Variants in PCDHGB1 observed in about 807,000 individuals in gnomAD.
PCDHGB1 encodes the protein protocadherin gamma-B1.
In PCDHGB1, 34 loss-of-function variants were observed where a neutral mutation model predicts 56.6. The ratio of observed to expected loss-of-function variants is 0.60; its 90% CI spans 0.46 to 0.80. The LOEUF is 0.80. PCDHGB1 is among the 30% of genes least tolerant of loss of function. The pLI, the probability that PCDHGB1 is intolerant of heterozygous loss-of-function variation, is 0.00. For synonymous variants in PCDHGB1, 561 were observed against 505.9 expected, an observed-to-expected ratio of 1.11 and a Z score of -1.46; for missense variants, 1,278 against 1,204.6, an observed-to-expected ratio of 1.06 and a Z score of -0.90.
In PCDHGB1 at chr5:141,432,967, G is replaced by T; in HGVS notation, c.2410-61840G>T. ...CAGGAGGCGGCTTGACAGGAGCGCC[G>T]GCGTCGCACTTTGTGGGCGTGGACG... On this transcript the variant is annotated intron_variant, in intron 1 of 3. Coordinates refer to ENST00000523390, the MANE Select transcript of PCDHGB1 (RefSeq NM_018922.3). The surrounding 1 kb of genome is among the most constrained non-coding windows in gnomAD (Gnocchi z 6.0). 1 of 1,614,190 alleles carries T rather than the reference G, an allele frequency of 6.2e-7. No homozygotes were observed. The highest frequency in any genetic ancestry group is 2.2e-5 in the East Asian group (1 of 44,854).
intron 1 of PCDHGB1, chr5:141,441,855 G>T (rs1210416963): frequency 2.8e-6 from 1 of 351,872 alleles, no homozygotes; most frequent in Admixed American, 4.0e-5. Context: ...ATATGGTGCT[G>T]CACGCCGCGG....
chr5:141,422,344 C>G, intron 1 of PCDHGB1: 1 of 1,550,890 alleles, frequency 6.4e-7, no homozygotes, highest in Non-Finnish European at 8.7e-7. Flanking sequence ...TCTAAATGTG[C>G]AAGATCAAGA....
chr5:141,376,476 T>C (rs1772728633), intron 1 of PCDHGB1: 19 of 1,614,192 alleles, frequency 1.2e-5, no homozygotes, highest in Middle Eastern at 1.6e-4. Context: ...CAGGATTTAC[T>C]TGAAACGAAA....
chr5:141,462,657 T>G (rs949098251), intron 1 of PCDHGB1, among the ~76,000 whole-genome samples: 1 of 152,164 alleles, frequency 6.6e-6, no homozygotes, highest in East Asian at 1.9e-4. Flanking sequence ...TCCTCAATTA[T>G]CTTCATATTT....
intron 1 of PCDHGB1, chr5:141,364,663 G>A: frequency 6.2e-7 from 1 of 1,614,042 alleles, no homozygotes; most frequent in Non-Finnish European, 8.5e-7. Flanking sequence ...TCTTGGTTGA[G>A]AACAAAATGA....
At chr5:141,404,129 A>C in intron 1 of PCDHGB1, 2 of 1,613,162 alleles carry the variant, frequency 1.2e-6, no homozygotes, top group Non-Finnish European at 1.7e-6. Context: ...TCTATCTTTT[A>C]CATTAGAAAA....
rs559164097 is a variant in PCDHGB1, at chr5:141,350,779, A to G, written c.519A>G (p.Gln173=). Residue 173 remains glutamine (Q), a synonymous_variant, in exon 1 of 4, where the codon CAA becomes CAG. Transcript: ENST00000523390. ...AGTTATACACCATCAACCCCAATCA[A>G]TACTTCTCTCTGTCAACGAAGGAAA... ...SLKLYTINPN[Q]YFSLSTKESP... 12 of 1,613,968 alleles carry G rather than the reference A, an allele frequency of 7.4e-6. No individual in the cohort carries two copies. The Admixed American group carries it at 1.2e-4, about 16-fold the overall frequency.
chr5:141,432,803 G>T lies in PCDHGB1; in HGVS notation c.2410-62004G>T, dbSNP rs751950423. 3 of 1,614,160 alleles carry T rather than the reference G, an allele frequency of 1.9e-6. No homozygotes were observed. The highest frequency in any genetic ancestry group is 2.2e-5 in the East Asian group (1 of 44,874). ...GGACCTCGGCAGCCTCGAGTCTCCA[G>T]CTAACTCTGAAACCTCAGACCTCAC... On this transcript the variant is annotated intron_variant, in intron 1 of 3. Coordinates refer to ENST00000523390, the MANE Select transcript of PCDHGB1 (RefSeq NM_018922.3). This position sits in a 1 kb window ranked among gnomAD's most constrained non-coding sequence, Gnocchi z 6.0.
intron 1 of PCDHGB1, chr5:141,392,647 C>A: frequency 1.5e-6 from 1 of 685,816 alleles, no homozygotes; most frequent in Non-Finnish European, 2.3e-6. Flanking sequence ...CTCACGAAGA[C>A]CCGCAGATGC....
In PCDHGB1 at chr5:141,432,075, C is replaced by G. The variant is rs2097446801; in HGVS notation, c.2410-62732C>G. 2 of 1,614,086 alleles carry G rather than the reference C, an allele frequency of 1.2e-6. No individual in the cohort carries two copies. Among genetic ancestry groups the G allele is most frequent in the Non-Finnish European group, 1.7e-6 (2 of 1,180,054 alleles). ...CCCCTATCCACGGAAACTCATATCT[C>G]GCTGAACGTGGCAGACACCAACGAC... On this transcript the variant is annotated intron_variant, in intron 1 of 3. Transcript: ENST00000523390. This position sits in a 1 kb window ranked among gnomAD's most constrained non-coding sequence, Gnocchi z 6.0.
At chr5:141,475,553 TTGTC>T (rs2099365287) in intron 1 of PCDHGB1, among the ~76,000 whole-genome samples, 2 of 152,260 alleles carry the variant, frequency 1.3e-5, no homozygotes, top group Non-Finnish European at 2.9e-5. Context: ...GTCCGGCTAA[TTGTC>T]TGTCTTCCAA....
chr5:141,362,481 T>C (rs1372374751), intron 1 of PCDHGB1: 16 of 1,613,962 alleles, frequency 9.9e-6, no homozygotes, highest in Non-Finnish European at 1.4e-5. Context: ...ATCTCGTCTG[T>C]GACAATGCCT....
At chr5:141,429,559 A>G (rs2097222911) in intron 1 of PCDHGB1, among the ~76,000 whole-genome samples, 2 of 152,146 alleles carry the variant, frequency 1.3e-5, no homozygotes, top group Admixed American at 6.5e-5. Context: ...TGATTTGATA[A>G]TATTCAGTTA....
intron 1 of PCDHGB1, among the ~76,000 whole-genome samples, chr5:141,470,360 T>G (rs1554150725): frequency 6.6e-6 from 1 of 152,142 alleles, no homozygotes; most frequent in Non-Finnish European, 1.5e-5. Context: ...ATAGACACAT[T>G]AGGTTGAATG....
chr5:141,486,416 C>T lies in PCDHGB1; in HGVS notation c.2410-8391C>T, dbSNP rs2154580601. The T allele has an allele frequency of 6.2e-7, 1 of 1,614,152 alleles. No individual in the cohort carries two copies. The highest frequency in any genetic ancestry group is 8.5e-7 in the Non-Finnish European group (1 of 1,180,016). On this transcript the variant is annotated intron_variant, in intron 1 of 3. Coordinates refer to ENST00000523390, the MANE Select transcript of PCDHGB1 (RefSeq NM_018922.3). This position sits in a 1 kb window ranked among gnomAD's most constrained non-coding sequence, Gnocchi z 5.0. ...CCTGGTGACTGCTGGACCCTTGGAT[C>T]GAGAGGCCAAATCTAGCTATGACAT...
intron 1 of PCDHGB1, chr5:141,361,155 C>G (rs760085788): frequency 1.2e-6 from 2 of 1,613,954 alleles, no homozygotes; most frequent in East Asian, 4.5e-5. Flanking sequence ...TTCTTGATGA[C>G]AACGATTGTG....
chr5:141,360,821 G>T, intron 1 of PCDHGB1: 1 of 1,613,924 alleles, frequency 6.2e-7, no homozygotes, highest in Non-Finnish European at 8.5e-7. Flanking sequence ...ACCCAAATCC[G>T]AATCAAAGTC....
At chr5:141,391,795 A>G (rs1220181718) in intron 1 of PCDHGB1, 2 of 152,206 alleles carry the variant, frequency 1.3e-5, no homozygotes, top group African/African-American at 4.8e-5. Context: ...GCAGTTTTTT[A>G]GATCAAAGTG....
intron 1 of PCDHGB1, chr5:141,409,662 TCTC>T (rs1473145245): frequency 2.5e-6 from 4 of 1,613,562 alleles, no homozygotes; most frequent in Admixed American, 1.7e-5. Context: ...AATGGCCACA[TCTC>T]CTACTCTATA....
Sources: gnomAD v4.1 joint callset for allele counts (sites outside exome capture counted in the v4.1 genomes callset) on GRCh38, gnomAD v4.1.1 for gene constraint, Gnocchi (gnomAD v3.1) non-coding constraint, MANE v1.5 for transcripts, NCBI Gene and HGNC (gene_info 2026-07-23, HGNC 2026-07-21) for gene names.